TMTC1: variants seen among roughly 807,000 people sequenced by gnomAD.
The protein encoded by TMTC1 is transmembrane O-mannosyltransferase targeting cadherins 1.
Under a neutral mutation model 104.8 loss-of-function variants are expected in TMTC1, and 73 were observed. The ratio of observed to expected loss-of-function variants is 0.70; its 90% CI spans 0.58 to 0.85. The LOEUF (loss-of-function observed/expected upper bound fraction) is 0.85, where lower values mean the gene tolerates loss of function less well. Ranked by LOEUF, TMTC1 falls within the 40% of genes least tolerant of loss-of-function variation. The pLI, the probability that TMTC1 is intolerant of heterozygous loss-of-function variation, is 0.00. For synonymous variants in TMTC1, 434 were observed against 428.7 expected (o/e 1.01, Z -0.15); for missense variants, 1,035 against 1,096.1 (o/e 0.94, Z 0.79).
At chr12:29,689,649 A>G (rs1255810734) in intron 5 of TMTC1, among the ~76,000 whole-genome samples, 1 of 152,216 alleles carries the variant, frequency 6.6e-6, no homozygotes, top group Non-Finnish European at 1.5e-5. Context: ...AAGATTTTTA[A>G]TACTTTCCTG....
chr12:29,735,286 G>A (rs533383820), intron 5 of TMTC1, among the ~76,000 whole-genome samples: 2 of 152,204 alleles, frequency 1.3e-5, no homozygotes, highest in Non-Finnish European at 2.9e-5. Flanking sequence ...CAGGAGCCAT[G>A]CTGCAGGGGC....
At chr12:29,514,736 T>C (rs1943936778) in intron 15 of TMTC1, 132 bp from the exon 16 acceptor site, 2 of 996,848 alleles carry the variant, frequency 2.0e-6, no homozygotes, top group Non-Finnish European at 2.9e-6. Flanking sequence ...GTACAATTCT[T>C]GGTCAGGCGT....
At chr12:29,739,092 AG>A (rs1424978863) in intron 5 of TMTC1, among the ~76,000 whole-genome samples, 4 of 152,200 alleles carry the variant, frequency 2.6e-5, no homozygotes, top group Non-Finnish European at 5.9e-5. Context: ...ATGTTGCATC[AG>A]GCCTCGTGAT....
chr12:29,758,465 G>T (rs1212306316), intron 3 of TMTC1, among the ~76,000 whole-genome samples: 1 of 152,200 alleles, frequency 6.6e-6, no homozygotes. Context: ...TAAAGCAAGT[G>T]CTTGGGTTCC....
intron 4 of TMTC1, among the ~76,000 whole-genome samples, chr12:29,753,210 G>T (rs530883056): frequency 1.3e-5 from 2 of 152,196 alleles, no homozygotes; most frequent in South Asian, 4.1e-4. Context: ...AGTAGGGACT[G>T]GGGAGTAGAC....
chr12:29,722,512 C>T (rs1170030357), intron 5 of TMTC1, among the ~76,000 whole-genome samples: 3 of 152,024 alleles, frequency 2.0e-5, no homozygotes, highest in African/African-American at 7.2e-5. Context: ...AAGATGGAAC[C>T]ATAGGCAAAA....
rs537871090 is a variant in TMTC1, at chr12:29,767,952, T to G, written c.426A>C (p.Gly142=). ...AAAGCAATGCCGTTACAAAAGCAAG[T>G]CCACGATTCTTGAAGACAGTTTTAT... ...TCDKTVFKNR[G]LAFVTALLFA... Residue 142 remains glycine, a synonymous_variant, in exon 2 of 18, where the codon GGA becomes GGC. Transcript: ENST00000539277. 3.1e-6 allele frequency: 5 copies of G among 1,613,932 alleles called. No individual in the cohort carries two copies. Among genetic ancestry groups the G allele is most frequent in the Non-Finnish European group, 4.2e-6 (5 of 1,179,886 alleles).
chr12:29,749,378 C>A (rs1355779333), intron 5 of TMTC1, among the ~76,000 whole-genome samples: 3 of 152,178 alleles, frequency 2.0e-5, no homozygotes, highest in Non-Finnish European at 4.4e-5. Flanking sequence ...ATCAACTGAT[C>A]CATGTCACAA....
At chr12:29,757,466 C>T (rs909475224) in intron 3 of TMTC1, among the ~76,000 whole-genome samples, 22 of 152,192 alleles carry the variant, frequency 1.4e-4, no homozygotes, top group Admixed American at 7.2e-4. Flanking sequence ...GTGGCTAGGA[C>T]GAGGAGGAAA....
intron 9 of TMTC1, 39 bp from the exon 10 acceptor site, chr12:29,557,039 A>C (rs768442950): frequency 6.2e-7 from 1 of 1,605,832 alleles, no homozygotes; most frequent in Admixed American, 1.7e-5. Flanking sequence ...TGGTTCAAAA[A>C]CTTCTAAGTT....
intron 5 of TMTC1, among the ~76,000 whole-genome samples, chr12:29,710,762 T>G (rs1342535829): frequency 1.4e-5 from 2 of 138,154 alleles, no homozygotes; most frequent in Non-Finnish European, 3.1e-5. Flanking sequence ...CTATTTATAT[T>G]ATATATTTAT....
chr12:29,663,388 G>A (rs942166328), intron 5 of TMTC1, among the ~76,000 whole-genome samples: 1 of 152,134 alleles, frequency 6.6e-6, no homozygotes, highest in Admixed American at 6.5e-5. Context: ...GGGGTGATCT[G>A]CTTCTGGAAA....
chr12:29,523,521 T>G (rs2136166949), intron 11 of TMTC1, among the ~76,000 whole-genome samples: 1 of 152,294 alleles, frequency 6.6e-6, no homozygotes, highest in Non-Finnish European at 1.5e-5. Flanking sequence ...AGAGAAACTT[T>G]TAGGGCAAGC....
chr12:29,709,370 A>T (rs1353569824), intron 5 of TMTC1, among the ~76,000 whole-genome samples: 1 of 152,218 alleles, frequency 6.6e-6, no homozygotes, highest in Non-Finnish European at 1.5e-5. Context: ...CTGTGTGTAT[A>T]TTAAGTGAGA....
chr12:29,601,054 T>C (rs1946551703), intron 7 of TMTC1, among the ~76,000 whole-genome samples: 1 of 152,172 alleles, frequency 6.6e-6, no homozygotes, highest in Non-Finnish European at 1.5e-5. Context: ...CTGTTGGTAA[T>C]ATTGATGCTT....
rs756549978 is a variant in TMTC1, at chr12:29,633,219, C to A, written c.1056G>T (p.Met352Ile). The stretch of plus-strand genomic sequence containing the variant: ...CCAGAAAGATGGTGGCTAAGTTCCG[C>A]ATGTCCCATATGGTCTCTACCAGAG... ...SIPLVETIWD[M>I]RNLATIFLAV... Residue 352 changes from methionine (M) to isoleucine (I), a missense_variant, in exon 6 of 18, where the codon ATG (methionine) becomes ATT (isoleucine). Coordinates refer to ENST00000539277, the MANE Select transcript of TMTC1 (RefSeq NM_001193451.2). The A allele has an allele frequency of 2.5e-6, 4 of 1,614,046 alleles. No homozygotes were observed. The highest frequency in any genetic ancestry group is 2.5e-6 in the Non-Finnish European group (3 of 1,179,978).
At chr12:29,683,887 G>C (rs1292992876) in intron 5 of TMTC1, among the ~76,000 whole-genome samples, 1 of 150,386 alleles carries the variant, frequency 6.6e-6, no homozygotes, top group African/African-American at 2.5e-5. Context: ...CTGTCACCTA[G>C]CCATGGAGTA....
intron 5 of TMTC1, among the ~76,000 whole-genome samples, chr12:29,716,576 T>C (rs1942088249): frequency 6.6e-6 from 1 of 152,172 alleles, no homozygotes; most frequent in African/African-American, 2.4e-5. Flanking sequence ...TTAAAAATCA[T>C]ACTAATTTAT....
At chr12:29,632,655 T>C (rs1446539944) in intron 6 of TMTC1, among the ~76,000 whole-genome samples, 4 of 152,208 alleles carry the variant, frequency 2.6e-5, no homozygotes, top group Admixed American at 6.5e-5. Context: ...CTCAGGTATG[T>C]CCTTATAGCA....
Sources: allele counts gnomAD v4.1 joint callset (sites outside exome capture counted in the v4.1 genomes callset), GRCh38; gene constraint gnomAD v4.1.1; transcripts MANE v1.5; gene names NCBI Gene and HGNC (gene_info 2026-07-23, HGNC 2026-07-21).